UNC5C: variants seen among roughly 807,000 people sequenced by gnomAD.
UNC5C encodes unc-5 netrin receptor C, also known as netrin receptor UNC5C.
In UNC5C, 47 loss-of-function variants were observed where a neutral mutation model predicts 99.8. The observed-to-expected ratio is 0.47, with a 90% CI of 0.37 to 0.60. The LOEUF (loss-of-function observed/expected upper bound fraction) is 0.60. UNC5C is among the 20% of genes least tolerant of loss of function. The probability of loss-of-function intolerance (pLI) is 0.00; values close to 1 mark genes in which losing one functional copy is unlikely to be tolerated. For synonymous variants in UNC5C, 487 were observed against 452.2 expected (o/e 1.08, Z -0.98); for missense variants, 1,062 against 1,165.9 (o/e 0.91, Z 1.30).
At chr4:95,503,291 A>G (rs1164125774) in intron 1 of UNC5C, among the ~76,000 whole-genome samples, 2 of 152,102 alleles carry the variant, frequency 1.3e-5, no homozygotes, top group Non-Finnish European at 2.9e-5. Context: ...AAGGCCCTAG[A>G]AAGTTGCCGG....
intron 1 of UNC5C, among the ~76,000 whole-genome samples, chr4:95,424,317 T>G (rs1746401372): frequency 1.3e-5 from 2 of 148,968 alleles, no homozygotes; most frequent in African/African-American, 2.5e-5. Context: ...AATACCAAAA[T>G]TACCATATAT....
At chr4:95,375,768 C>T (rs1275178517) in intron 1 of UNC5C, among the ~76,000 whole-genome samples, 1 of 152,060 alleles carries the variant, frequency 6.6e-6, no homozygotes, top group Non-Finnish European at 1.5e-5. Context: ...ATTTCTCATC[C>T]AAGAATAGTT....
At chr4:95,484,023 A>T (rs1481555648) in intron 1 of UNC5C, among the ~76,000 whole-genome samples, 3 of 151,778 alleles carry the variant, frequency 2.0e-5, no homozygotes, top group Non-Finnish European at 4.4e-5. Flanking sequence ...TTGAGGTCAC[A>T]TTCCAGTAGG....
chr4:95,239,016 CTA>C (rs1356536763), intron 7 of UNC5C, among the ~76,000 whole-genome samples: 3 of 152,162 alleles, frequency 2.0e-5, no homozygotes, highest in Non-Finnish European at 4.4e-5. Context: ...TCAGATTGCT[CTA>C]TGAGTTCATG....
chr4:95,459,114 A>T (rs923087253), intron 1 of UNC5C, among the ~76,000 whole-genome samples: 3 of 152,088 alleles, frequency 2.0e-5, no homozygotes, highest in South Asian at 4.1e-4. Flanking sequence ...AAAGAACATA[A>T]AGTTACAAGG....
intron 1 of UNC5C, among the ~76,000 whole-genome samples, chr4:95,440,070 A>G (rs1033444264): frequency 1.3e-4 from 20 of 152,084 alleles, no homozygotes; most frequent in African/African-American, 4.8e-4. Context: ...TCTGCTTTCC[A>G]TTGGTGGTTC....
intron 2 of UNC5C, among the ~76,000 whole-genome samples, chr4:95,303,569 G>A (rs750244900): frequency 1.6e-4 from 25 of 152,110 alleles, no homozygotes; most frequent in African/African-American, 2.4e-4. Context: ...CCAGCTACTC[G>A]GGAGTCTGAG....
intron 1 of UNC5C, among the ~76,000 whole-genome samples, chr4:95,448,227 T>TGTGAGAGAGAGAGAGAGAGA (rs1339694230): frequency 1.0e-5 from 1 of 100,086 alleles, no homozygotes; most frequent in Non-Finnish European, 2.0e-5. Context: ...TGTGTGTGTG[T>TGTGAGAGAGAGAGAGAGAGA]GAGAGAGAGA....
chr4:95,192,662 T>A (rs1280164229), intron 12 of UNC5C, among the ~76,000 whole-genome samples: 1 of 134,350 alleles, frequency 7.4e-6, no homozygotes. Context: ...GCTCACCTCT[T>A]CCCCTGCTCA....
chr4:95,244,425 C>T (rs1739429052), intron 6 of UNC5C, among the ~76,000 whole-genome samples: 1 of 152,086 alleles, frequency 6.6e-6, no homozygotes, highest in Admixed American at 6.6e-5. Flanking sequence ...AAATAGATGA[C>T]CAACATTTAC....
At chr4:95,191,905 G>A (rs1481092675) in intron 12 of UNC5C, among the ~76,000 whole-genome samples, 4 of 69,280 alleles carry the variant, frequency 5.8e-5, no homozygotes, top group Admixed American at 5.6e-4. Context: ...CCCCTCCTCT[G>A]TTCACCCTTC....
intron 3 of UNC5C, among the ~76,000 whole-genome samples, chr4:95,281,503 G>A (rs1741059624): frequency 6.6e-6 from 1 of 152,104 alleles, no homozygotes; most frequent in Admixed American, 6.6e-5. Context: ...GTTAGTTAGG[G>A]ACTCATTTGA....
At chr4:95,444,671 G>T (rs986894363) in intron 1 of UNC5C, among the ~76,000 whole-genome samples, 1 of 152,066 alleles carries the variant, frequency 6.6e-6, no homozygotes, top group Non-Finnish European at 1.5e-5. Context: ...TGTATGATTG[G>T]CCAAGGGGAC....
intron 1 of UNC5C, among the ~76,000 whole-genome samples, chr4:95,532,780 A>C (rs1268600583): frequency 6.6e-6 from 1 of 152,116 alleles, no homozygotes; most frequent in Non-Finnish European, 1.5e-5. Context: ...GCCTGTGCCA[A>C]ATTTGGGAGG....
intron 2 of UNC5C, among the ~76,000 whole-genome samples, chr4:95,304,044 T>A (rs551682438): frequency 6.6e-6 from 1 of 152,258 alleles, no homozygotes; most frequent in African/African-American, 2.4e-5. Context: ...GCTGTCCCAC[T>A]GGGGGAACAA....
chr4:95,248,871 A>T (rs1215271592), intron 5 of UNC5C, among the ~76,000 whole-genome samples: 1 of 152,184 alleles, frequency 6.6e-6, no homozygotes, highest in East Asian at 1.9e-4. Context: ...TAGTGTTCAT[A>T]AAGTCTACAG....
At chr4:95,445,489 C>T (rs1285354438) in intron 1 of UNC5C, among the ~76,000 whole-genome samples, 1 of 152,082 alleles carries the variant, frequency 6.6e-6, no homozygotes, top group Non-Finnish European at 1.5e-5. Context: ...AAAAATAGTA[C>T]ACCCTGTGAT....
chr4:95,486,379 T>C (rs1298091415), intron 1 of UNC5C, among the ~76,000 whole-genome samples: 1 of 150,942 alleles, frequency 6.6e-6, no homozygotes, highest in Non-Finnish European at 1.5e-5. Context: ...CCCTTCACTT[T>C]CTAAAATTCT....
Position 95,301,653 on chromosome 4 carries a change from C to T in UNC5C, c.443G>A (p.Ser148Asn), listed in dbSNP as rs776947636. 1.2e-6 allele frequency: 2 copies of T among 1,613,884 alleles called. No homozygotes were observed. Among genetic ancestry groups the T allele is most frequent in the Non-Finnish European group, 1.7e-6 (2 of 1,180,026 alleles). Reference sequence around the variant, plus strand: ...CCGGCTCTTTGTGGTACCCGCGGAGCTCCAGGCCACACACTGGCACCAGTA... The same window carrying T: ...CCGGCTCTTTGTGGTACCCGCGGAGTTCCAGGCCACACACTGGCACCAGTA... Reference protein sequence around the residue: ...EDYWCQCVAWSSAGTTKSRKA... With the variant: ...EDYWCQCVAWNSAGTTKSRKA... The change falls in exon 3 of 16, where the codon AGC (serine) becomes AAC (asparagine). Residue 148 changes from serine to asparagine, a missense_variant. Physicochemically the swap from Ser to Asn is conservative, Grantham distance 46 (BLOSUM62 1). Transcript: ENST00000453304.
Sources: gnomAD v4.1 joint callset for allele counts (sites outside exome capture counted in the v4.1 genomes callset) on GRCh38, gnomAD v4.1.1 for gene constraint, MANE v1.5 for transcripts, NCBI Gene and HGNC (gene_info 2026-07-23, HGNC 2026-07-21) for gene names.